The following BTK variants were observed in gnomAD, a reference collection of about 807,000 sequenced individuals.
The protein encoded by BTK is tyrosine-protein kinase BTK.
Under a neutral mutation model 57.4 loss-of-function variants are expected in BTK, and 5 were observed. The ratio of observed to expected loss-of-function variants is 0.09; its 90% CI spans 0.05 to 0.18. The LOEUF is 0.18. BTK is among the 10% of genes least tolerant of loss of function. The pLI, the probability that BTK is intolerant of heterozygous loss-of-function variation, is 1.00. For missense variants in BTK, 194 were observed against 501.2 expected, an observed-to-expected ratio of 0.39 and a Z score of 5.85; for synonymous variants, 154 against 174.3, an observed-to-expected ratio of 0.88 and a Z score of 0.92.
At chrX:101,367,324 A>T (rs1926885911) in intron 5 of BTK, among the ~76,000 whole-genome samples, 1 of 109,713 alleles carries the variant, frequency 9.1e-6, no homozygotes, top group Non-Finnish European at 1.9e-5. Context: ...CTCACCCTTA[A>T]ATATAGTGGA....
intron 15 of BTK, chrX:101,355,793 C>T: frequency 2.4e-6 from 1 of 409,217 alleles, no homozygotes; most frequent in Non-Finnish European, 4.3e-6. Context: ...TGAAAGACCC[C>T]ACCATTTTCT....
rs138559301 is a variant in BTK, at chrX:101,350,367, G to A, written c.1909-411C>T. On this transcript the variant is annotated intron_variant, in intron 18 of 18. Transcript: ENST00000308731. Reference sequence around the variant, plus strand: ...GATTAATATTTCAAAACCACAGGCTGTATTACTGAGCAGGGATTCTGAGTA... The same window carrying A: ...GATTAATATTTCAAAACCACAGGCTATATTACTGAGCAGGGATTCTGAGTA... Among the ~76,000 whole-genome samples the A allele has an allele frequency of 4.9e-3, 457 of 94,119 alleles. 3 individuals are homozygous for A. Among genetic ancestry groups the A allele is most frequent in the African/African-American group, 0.017 (418 of 25,251 alleles). The allele number at this position is 94,119 out of a possible 115,157, so 81.7% of individuals were successfully genotyped here. A position where few individuals can be genotyped will look rare whatever the true frequency, so the allele number is the denominator to read the frequency against.
chrX:101,386,586 G>A (rs2071229), upstream of BTK, among the ~76,000 whole-genome samples: 13,120 of 110,172 alleles, frequency 0.12, 779 homozygotes, highest in South Asian at 0.27. Flanking sequence ...TGGCCAGGAA[G>A]AGCGTTTTTC....
At chrX:101,382,899 G>T (rs1555981992) in intron 1 of BTK, among the ~76,000 whole-genome samples, 1 of 111,210 alleles carries the variant, frequency 9.0e-6, no homozygotes, top group Admixed American at 9.6e-5. Flanking sequence ...GTGCAGTGGG[G>T]TGCACCTGTA....
At chrX:101,362,298 C>T in intron 6 of BTK, 58 bp from the exon 7 acceptor site, 5 of 1,153,576 alleles carry the variant, frequency 4.3e-6, no homozygotes, top group Non-Finnish European at 5.9e-6. Context: ...GGGCCAAGGA[C>T]AGGTTTGGTC....
chrX:101,382,202 T>G (rs1269415524), intron 1 of BTK, among the ~76,000 whole-genome samples: 1 of 110,847 alleles, frequency 9.0e-6, no homozygotes, highest in Non-Finnish European at 1.9e-5. Context: ...GATGAAGGCA[T>G]CAAGCCAAAC....
intron 5 of BTK, among the ~76,000 whole-genome samples, chrX:101,363,029 T>A (rs1459410917): frequency 8.9e-6 from 1 of 112,396 alleles, no homozygotes; most frequent in Non-Finnish European, 1.9e-5. Context: ...AAGGCAAGTG[T>A]TTCCCAGATA....
intron 15 of BTK, chrX:101,355,561 C>A (rs1603003892): frequency 1.7e-5 from 2 of 118,665 alleles, no homozygotes; most frequent in Non-Finnish European, 1.7e-5. Flanking sequence ...TGTAGATTTT[C>A]AAGAGAAGCT....
intron 8 of BTK, 72 bp from the exon 9 acceptor site, chrX:101,360,222 G>T: frequency 1.3e-6 from 1 of 758,638 alleles, no homozygotes; most frequent in Non-Finnish European, 2.0e-6. Context: ...ATATGCCCAC[G>T]TCCCTGAGCT....
chrX:101,386,287 G>A (rs1555982472), upstream of BTK: 1 of 110,951 alleles, frequency 9.0e-6, no homozygotes, highest in East Asian at 2.8e-4. Context: ...ATGCTATCTG[G>A]TTCCCTGCTG....
At chrX:101,361,450 T>C (rs1926666198) in intron 7 of BTK, among the ~76,000 whole-genome samples, 1 of 104,880 alleles carries the variant, frequency 9.5e-6, no homozygotes, top group African/African-American at 3.6e-5. Context: ...ATGAGTATAA[T>C]AATACCTGCT....
chrX:101,353,087 G>GA, intron 18 of BTK, 107 bp downstream of exon 18: 10 of 725,298 alleles, frequency 1.4e-5, no homozygotes, highest in Non-Finnish European at 2.0e-5. Flanking sequence ...AAAAAAAAAG[G>GA]AAAAAAAAGA....
chrX:101,361,157 A>G (rs782245977), intron 7 of BTK, among the ~76,000 whole-genome samples: 5 of 110,257 alleles, frequency 4.5e-5, no homozygotes, highest in Non-Finnish European at 9.5e-5. Flanking sequence ...CGGAGGTTGT[A>G]GTGAGCCAAG....
At chrX:101,353,756 G>T (rs868925308) in intron 17 of BTK, 114 bp downstream of exon 17, 1 of 706,965 alleles carries the variant, frequency 1.4e-6, no homozygotes. Flanking sequence ...ACTCCCCAAG[G>T]ATTGGAAGAA....
chrX:101,355,577 TTCCAGGG>T, intron 15 of BTK: 2 of 128,676 alleles, frequency 1.6e-5, no homozygotes, highest in Non-Finnish European at 3.2e-5. Context: ...AAGCTGGAAA[TTCCAGGG>T]TTTTTTTTTT....
chrX:101,378,900 G>A (rs1167871425), intron 1 of BTK, among the ~76,000 whole-genome samples: 3 of 111,273 alleles, frequency 2.7e-5, no homozygotes, highest in Admixed American at 9.6e-5. Flanking sequence ...AAGTCCAGGC[G>A]CAGTGGCTCA....
intron 7 of BTK, among the ~76,000 whole-genome samples, chrX:101,361,017 A>G (rs1450603027): frequency 9.0e-6 from 1 of 110,934 alleles, no homozygotes; most frequent in Non-Finnish European, 1.9e-5. Flanking sequence ...GGAGTTCGAG[A>G]CCAGCCTGGC....
Position 101,370,672 on chromosome X carries a change from G to A in BTK, c.310-593C>T, listed in dbSNP as rs1242552836. 8.9e-5 allele frequency among the ~76,000 whole-genome samples: 10 copies of A among 111,903 alleles called. No individual in the cohort carries two copies. The Admixed American group carries it at 9.5e-4, about 11-fold the overall frequency. ...ATAAGCAATATCATCAAGTCAAATAGTATTTTTTTAACCATGTACAAGGCA... is the reference window on the plus strand; with the variant it reads ...ATAAGCAATATCATCAAGTCAAATAATATTTTTTTAACCATGTACAAGGCA... On this transcript the variant is annotated intron_variant, in intron 4 of 18. Transcript: ENST00000308731.
chrX:101,358,263 T>A, intron 12 of BTK, 47 bp downstream of exon 12: 1 of 1,208,432 alleles, frequency 8.3e-7, no homozygotes. Flanking sequence ...CCTGCATTGC[T>A]TATCCTGGTG....
Sources: gnomAD v4.1 joint callset for allele counts (sites outside exome capture counted in the v4.1 genomes callset) on GRCh38, gnomAD v4.1.1 for gene constraint, MANE v1.5 for transcripts, NCBI Gene and HGNC (gene_info 2026-07-23, HGNC 2026-07-21) for gene names.